The following FHIT variants were observed in gnomAD, a reference collection of about 807,000 sequenced individuals.
FHIT encodes bis(5'-adenosyl)-triphosphatase.
Under a neutral mutation model 17.9 loss-of-function variants are expected in FHIT, and 19 were observed. That is an observed-to-expected ratio of 1.06 (90% CI 0.74 to 1.56). The LOEUF is 1.56. FHIT is among the 40% of genes most tolerant of loss of function. FHIT has a pLI of 0.00. For missense variants in FHIT, 248 were observed against 189.2 expected, an observed-to-expected ratio of 1.31 and a Z score of -1.82; for synonymous variants, 81 against 69.7, an observed-to-expected ratio of 1.16 and a Z score of -0.81.
At chr3:60,610,053 A>G (rs1200882377) in intron 4 of FHIT, among the ~76,000 whole-genome samples, 1 of 152,232 alleles carries the variant, frequency 6.6e-6, no homozygotes, top group African/African-American at 2.4e-5. Context: ...CTGTAGCTAG[A>G]GACCACACAG....
At chr3:60,380,619 T>C (rs1700758803) in intron 5 of FHIT, among the ~76,000 whole-genome samples, 2 of 152,308 alleles carry the variant, frequency 1.3e-5, no homozygotes, top group South Asian at 4.1e-4. Context: ...AAATGAGTAC[T>C]GCTGTGAATA....
chr3:60,161,841 C>T (rs983648086), intron 5 of FHIT, among the ~76,000 whole-genome samples: 8 of 152,094 alleles, frequency 5.3e-5, no homozygotes, highest in East Asian at 1.9e-4. Context: ...GCATCAGGCT[C>T]GATGGTGCCT....
Position 60,322,153 on chromosome 3 carries a change from T to C in FHIT, c.103+214707A>G, listed in dbSNP as rs141286524. Among the ~76,000 whole-genome samples the C allele has an allele frequency of 5.1e-4, 77 of 152,342 alleles. 1 individual carries two copies. The highest frequency in any genetic ancestry group is 1.8e-3 in the African/African-American group (73 of 41,576). ...TGGGCCCAACAGCTTATTTTCATTA[T>C]GCTTTTCTGGGCAATTATGATGCCT... is the stretch of plus-strand genomic sequence containing the variant. On this transcript the variant is annotated intron_variant, in intron 5 of 9. Transcript: ENST00000492590.
At chr3:61,034,210 A>T (rs1286380308) in intron 3 of FHIT, among the ~76,000 whole-genome samples, 1 of 152,186 alleles carries the variant, frequency 6.6e-6, no homozygotes, top group African/African-American at 2.4e-5. Context: ...TTTGGCAATG[A>T]ATTCTTATAT....
intron 5 of FHIT, among the ~76,000 whole-genome samples, chr3:60,082,803 C>A (rs143930704): frequency 6.9e-4 from 105 of 152,138 alleles, no homozygotes; most frequent in African/African-American, 2.5e-3. Context: ...TGTATTTTGT[C>A]CACTTTGTAA....
chr3:61,057,681 G>A (rs1418388518), intron 2 of FHIT, among the ~76,000 whole-genome samples: 1 of 152,192 alleles, frequency 6.6e-6, no homozygotes, highest in Non-Finnish European at 1.5e-5. Flanking sequence ...GAAAGTATGT[G>A]GCGGGGGAGA....
At chr3:59,805,909 C>G (rs984109695) in intron 8 of FHIT, among the ~76,000 whole-genome samples, 1 of 152,056 alleles carries the variant, frequency 6.6e-6, no homozygotes, top group Non-Finnish European at 1.5e-5. Context: ...AAGCTGGGCG[C>G]GGTGGCTCAT....
At chr3:59,814,043 CAT>C (rs1017261583) in intron 8 of FHIT, among the ~76,000 whole-genome samples, 19 of 119,374 alleles carry the variant, frequency 1.6e-4, no homozygotes, top group African/African-American at 5.9e-4. Context: ...AAAATTTACA[CAT>C]ACACACACAC....
intron 5 of FHIT, among the ~76,000 whole-genome samples, chr3:60,071,769 C>A (rs1048494808): frequency 6.6e-6 from 1 of 152,120 alleles, no homozygotes; most frequent in African/African-American, 2.4e-5. Context: ...CCCATAATTC[C>A]CGTATGTTAT....
At chr3:61,183,766 A>C (rs28703924) in intron 2 of FHIT, among the ~76,000 whole-genome samples, 1,828 of 152,122 alleles carry the variant, frequency 0.012, 42 homozygotes, top group African/African-American at 0.042. Flanking sequence ...GTCACACCAC[A>C]TGCTTTCATT....
At chr3:60,363,195 C>T (rs1000062184) in intron 5 of FHIT, among the ~76,000 whole-genome samples, 1 of 152,080 alleles carries the variant, frequency 6.6e-6, no homozygotes, top group Non-Finnish European at 1.5e-5. Context: ...CTATCCAGGT[C>T]GGCAACCCCA....
chr3:59,989,359 C>G (rs1274946734), intron 7 of FHIT, among the ~76,000 whole-genome samples: 1 of 151,986 alleles, frequency 6.6e-6, no homozygotes, highest in African/African-American at 2.4e-5. Flanking sequence ...CATTCCAACC[C>G]TCGGCCAGCA....
chr3:61,189,306 C>T (rs1012125222), intron 2 of FHIT, among the ~76,000 whole-genome samples: 5 of 152,144 alleles, frequency 3.3e-5, no homozygotes, highest in African/African-American at 1.2e-4. Context: ...AACAGAGAGC[C>T]AAATCATGAG....
chr3:60,219,522 A>C (rs888053680), intron 5 of FHIT, among the ~76,000 whole-genome samples: 9 of 152,172 alleles, frequency 5.9e-5, no homozygotes, highest in Non-Finnish European at 1.3e-4. Flanking sequence ...CTTATTATTG[A>C]GTAACGAACT....
At chr3:60,501,595 G>A (rs1033579899) in intron 5 of FHIT, among the ~76,000 whole-genome samples, 3 of 152,126 alleles carry the variant, frequency 2.0e-5, no homozygotes, top group Non-Finnish European at 2.9e-5. Flanking sequence ...TGGCTCCTAC[G>A]CTCAACTTTT....
intron 5 of FHIT, among the ~76,000 whole-genome samples, chr3:60,441,718 A>ATGTGTATT (rs11280943): frequency 1.1e-5 from 1 of 93,790 alleles, no homozygotes; most frequent in Admixed American, 1.5e-4. Context: ...ATATATATAT[A>ATGTGTATT]TATATTTGTA....
chr3:60,353,652 T>C (rs1699517530), intron 5 of FHIT, among the ~76,000 whole-genome samples: 1 of 152,086 alleles, frequency 6.6e-6, no homozygotes, highest in Non-Finnish European at 1.5e-5. Flanking sequence ...CATAGAGCTT[T>C]TGTTAGAAAA....
At chr3:59,826,276 C>T (rs1169009428) in intron 8 of FHIT, among the ~76,000 whole-genome samples, 1 of 152,144 alleles carries the variant, frequency 6.6e-6, no homozygotes, top group Non-Finnish European at 1.5e-5. Context: ...CACCACCACG[C>T]CCAGCTAATT....
At chr3:61,048,020 C>T (rs1404359670) in intron 2 of FHIT, among the ~76,000 whole-genome samples, 2 of 151,214 alleles carry the variant, frequency 1.3e-5, no homozygotes, top group Non-Finnish European at 2.9e-5. Context: ...ACCATAAAAA[C>T]CCTAGAAGAA....
Sources: allele counts gnomAD v4.1 joint callset (sites outside exome capture counted in the v4.1 genomes callset), GRCh38; gene constraint gnomAD v4.1.1; transcripts MANE v1.5; gene names NCBI Gene and HGNC (gene_info 2026-07-23, HGNC 2026-07-21).